Variants in IQCE observed in about 807,000 individuals in gnomAD.
IQCE encodes the protein IQ domain-containing protein E.
Under a neutral mutation model 96.0 loss-of-function variants are expected in IQCE, and 115 were observed. The ratio of observed to expected loss-of-function variants is 1.20; its 90% CI spans 1.03 to 1.40. The LOEUF (loss-of-function observed/expected upper bound fraction) is 1.40, where lower values mean the gene tolerates loss of function less well. Ranked by LOEUF, IQCE falls within the 40% of genes most tolerant of loss-of-function variation. IQCE has a pLI of 0.00. For missense variants in IQCE, 1,041 were observed against 909.1 expected, an observed-to-expected ratio of 1.15 and a Z score of -1.87; for synonymous variants, 412 against 371.2, an observed-to-expected ratio of 1.11 and a Z score of -1.26.
intron 14 of IQCE, among the ~76,000 whole-genome samples, chr7:2,590,901 T>G (rs1244080629): frequency 6.6e-6 from 1 of 152,174 alleles, no homozygotes; most frequent in Non-Finnish European, 1.5e-5. Context: ...TGCAGCATGG[T>G]CTTAATTCAG....
intron 18 of IQCE, among the ~76,000 whole-genome samples, chr7:2,603,712 G>A (rs1489505660): frequency 6.6e-6 from 1 of 152,200 alleles, no homozygotes; most frequent in Non-Finnish European, 1.5e-5. Flanking sequence ...CTGGCGGGTC[G>A]TTCACCGTTA....
chr7:2,566,271 C>G (rs1550203), intron 1 of IQCE, among the ~76,000 whole-genome samples: 15,672 of 150,272 alleles, frequency 0.1, 1,074 homozygotes, highest in Non-Finnish European at 0.15. Flanking sequence ...TACAGAAACA[C>G]TTTTGTCTTC....
At chr7:2,603,126 C>CT (rs1014451353) in intron 18 of IQCE, among the ~76,000 whole-genome samples, 4 of 152,204 alleles carry the variant, frequency 2.6e-5, no homozygotes, top group African/African-American at 7.2e-5. Flanking sequence ...ATCCCCGTCT[C>CT]TGACAGTCCC....
At chr7:2,570,191 G>GA (rs1410450244) in intron 3 of IQCE, among the ~76,000 whole-genome samples, 2 of 152,122 alleles carry the variant, frequency 1.3e-5, no homozygotes, top group Non-Finnish European at 2.9e-5. Flanking sequence ...CGAGGCAGGC[G>GA]ATGATGTTTT....
In IQCE at chr7:2,572,253, C is replaced by T. The variant is rs376323172; in HGVS notation, c.321C>T (p.Pro107=). 32 of 1,614,046 alleles carry T rather than the reference C, an allele frequency of 2.0e-5. No homozygotes were observed. Among genetic ancestry groups the T allele is most frequent in the Middle Eastern group, 1.6e-4 (1 of 6,084 alleles). ...LTWEHAWTGV[P]GGTPDCLTDT... is the part of the protein sequence containing the mutation. The stretch of plus-strand genomic sequence containing the variant: ...GGGAGCATGCGTGGACTGGCGTCCC[C>T]GGCGGCACTCCTGACTGTCTGACAG... The change falls in exon 5 of 22, where the codon CCC becomes CCT. Residue 107 remains proline, a synonymous_variant. Transcript: ENST00000402050.
chr7:2,599,283 G>A (rs892791176), intron 17 of IQCE, among the ~76,000 whole-genome samples: 4 of 151,886 alleles, frequency 2.6e-5, no homozygotes, highest in African/African-American at 9.7e-5. Flanking sequence ...TCCAACCTCC[G>A]CCTCCTGGGT....
chr7:2,592,275 A>C (rs920681146), intron 14 of IQCE, among the ~76,000 whole-genome samples: 1 of 152,238 alleles, frequency 6.6e-6, no homozygotes, highest in African/African-American at 2.4e-5. Context: ...TTAGTATTTC[A>C]CGACAAGCTT....
chr7:2,573,397 G>C (rs367893330), intron 5 of IQCE, 21 bp from the exon 6 acceptor site: 1 of 1,202,314 alleles, frequency 8.3e-7, no homozygotes, highest in Non-Finnish European at 1.2e-6. Flanking sequence ...TCTTTGAAAC[G>C]ATTTGTTTAT....
At chr7:2,585,521 G>T (rs148981361) in intron 11 of IQCE, among the ~76,000 whole-genome samples, 1 of 152,254 alleles carries the variant, frequency 6.6e-6, no homozygotes, top group Non-Finnish European at 1.5e-5. Context: ...CCTGAGCTTA[G>T]AGGCACTGGA....
intron 9 of IQCE, 138 bp downstream of exon 9, chr7:2,582,788 T>G: frequency 1.5e-6 from 1 of 647,120 alleles, no homozygotes; most frequent in East Asian, 2.7e-5. Flanking sequence ...TAGCTGCCTC[T>G]TTTTAATTTT....
At position 2,595,029 on chromosome 7, in the gene IQCE, G is replaced by A. The variant is rs188393553; in HGVS notation, c.1440+53G>A. ...CGTCAGGTGCGGTGAGACTTTGGTC[G>A]TGACGGTTCTGACCGTTTCCCTGTC... On this transcript the variant is annotated intron_variant, in intron 16 of 21. Coordinates refer to ENST00000402050, the MANE Select transcript of IQCE (RefSeq NM_152558.5). 55 of 1,286,200 alleles carry A rather than the reference G, an allele frequency of 4.3e-5. No individual in the cohort carries two copies. The Admixed American group carries it at 4.4e-4, about 10-fold the overall frequency. The allele number at this position is 1,286,200 out of a possible 1,614,324, so 79.7% of individuals were successfully genotyped here. A position where few individuals can be genotyped will look rare whatever the true frequency, so the allele number is the denominator to read the frequency against.
chr7:2,561,371 T>G (rs543544879), intron 1 of IQCE, among the ~76,000 whole-genome samples: 1 of 152,354 alleles, frequency 6.6e-6, no homozygotes, highest in African/African-American at 2.4e-5. Context: ...TTATTGTATA[T>G]TGAATTTTCT....
At chr7:2,587,980 T>A in intron 13 of IQCE, 103 bp downstream of exon 13, 1 of 1,102,896 alleles carries the variant, frequency 9.1e-7, no homozygotes, top group Non-Finnish European at 1.4e-6. Flanking sequence ...TGGCACTGGC[T>A]GTCTGCCAGG....
At position 2,601,473 on chromosome 7, in the gene IQCE, G is replaced by C. The variant is rs1305518787; in HGVS notation, c.1632+9G>C. On this transcript the variant is annotated intron_variant, in intron 18 of 21. Transcript: ENST00000402050. ...AGGCTGTTCTGGATGAGGTAAGCGA[G>C]GTTTATTTCTTGTTTCAAAATTCGG... 6.3e-7 allele frequency: 1 copy of C among 1,581,084 alleles called. No individual in the cohort carries two copies. Among genetic ancestry groups the C allele is most frequent in the Non-Finnish European group, 8.7e-7 (1 of 1,152,290 alleles).
Position 2,607,442 on chromosome 7 carries a change from C to T in IQCE, c.1969+215C>T, listed in dbSNP as rs541090200. Reference sequence around the variant, plus strand: ...GCTTGTCCTTTGTGCCTGGAATTGCCGAGGTCCTTGCTGTCTTTATTTTTT... The same window carrying T: ...GCTTGTCCTTTGTGCCTGGAATTGCTGAGGTCCTTGCTGTCTTTATTTTTT... On this transcript the variant is annotated intron_variant, in intron 21 of 21. Transcript: ENST00000402050. The T allele has an allele frequency of 3.5e-4, 467 of 1,330,684 alleles. 9 individuals carry two copies. In the South Asian group the frequency reaches 7.9e-3, roughly 22 times the overall value. 82.4% of individuals were successfully genotyped at this position (1,330,684 alleles called of 1,614,324 possible).
Position 2,611,879 on chromosome 7 carries a change from T to G in IQCE, c.*1717T>G, listed in dbSNP as rs1217945012. ...AACTGGCTGGTAACTTGATGGACTG[T>G]GTAACTGACACAGGCCCTCTTTAGA... is the stretch of plus-strand genomic sequence containing the variant. On this transcript the variant is annotated 3_prime_UTR_variant, in exon 22 of 22. Coordinates refer to ENST00000402050, the MANE Select transcript of IQCE (RefSeq NM_152558.5). 5 of 152,122 alleles carry G rather than the reference T, an allele frequency of 3.3e-5. No individual in the cohort carries two copies. The highest frequency in any genetic ancestry group is 1.2e-4 in the African/African-American group (5 of 41,398). The allele number at this position is 152,122 out of a possible 1,614,324, so 9.4% of individuals were successfully genotyped here.
rs747633690 is a variant in IQCE at position 2,582,689 on chromosome 7, C to T, written c.701+39C>T. 4 of 1,578,460 alleles carry T rather than the reference C, an allele frequency of 2.5e-6. No individual in the cohort carries two copies. In the African/African-American group the frequency reaches 4.0e-5, roughly 16 times the overall value. On this transcript the variant is annotated intron_variant, in intron 9 of 21. Transcript: ENST00000402050. The stretch of plus-strand genomic sequence containing the variant: ...TGCACCCTCTCCCCTGCCTTCCGCC[C>T]CGTGTTCTGCTTGCTCAGACGCCCG...
At chr7:2,605,210 G>C (rs540010772) in intron 19 of IQCE, among the ~76,000 whole-genome samples, 3 of 152,360 alleles carry the variant, frequency 2.0e-5, no homozygotes, top group Admixed American at 6.5e-5. Context: ...GGGCCAGATT[G>C]CGTTAAGCTG....
intron 8 of IQCE, among the ~76,000 whole-genome samples, chr7:2,579,393 C>A (rs556590057): frequency 9.2e-5 from 14 of 152,010 alleles, no homozygotes; most frequent in African/African-American, 2.9e-4. Flanking sequence ...AATAAAAAGC[C>A]ATGGGACTAA....
Sources: gnomAD v4.1 joint callset for allele counts (sites outside exome capture counted in the v4.1 genomes callset) on GRCh38, gnomAD v4.1.1 for gene constraint, MANE v1.5 for transcripts, NCBI Gene and HGNC (gene_info 2026-07-23, HGNC 2026-07-21) for gene names.